TSHZ2: variants seen among roughly 807,000 people sequenced by gnomAD.
TSHZ2 encodes teashirt zinc finger homeobox 2.
TSHZ2 carries 21 observed loss-of-function variants against 74.4 expected under a neutral mutation model. The ratio of observed to expected loss-of-function variants is 0.28; its 90% CI spans 0.20 to 0.41. TSHZ2 has a LOEUF of 0.41. TSHZ2 is among the 10% of genes least tolerant of loss of function. TSHZ2 has a pLI of 1.00. For synonymous variants in TSHZ2, 540 were observed against 515.3 expected (o/e 1.05, Z -0.65); for missense variants, 1,244 against 1,293.5 (o/e 0.96, Z 0.59).
At chr20:53,195,529 G>A (rs763863405) in intron 1 of TSHZ2, among the ~76,000 whole-genome samples, 1 of 152,144 alleles carries the variant, frequency 6.6e-6, no homozygotes, top group Non-Finnish European at 1.5e-5. Context: ...GGACTTGGAT[G>A]TTTTCAAATA....
At chr20:53,125,211 T>C (rs979957352) in intron 1 of TSHZ2, among the ~76,000 whole-genome samples, 1 of 152,218 alleles carries the variant, frequency 6.6e-6, no homozygotes, top group African/African-American at 2.4e-5. Context: ...TTATTACTAA[T>C]GGTTTATATT....
intron 1 of TSHZ2, among the ~76,000 whole-genome samples, chr20:53,039,471 C>G (rs1035328855): frequency 2.0e-5 from 3 of 152,114 alleles, no homozygotes; most frequent in Admixed American, 2.0e-4. Context: ...TATTTATAGG[C>G]CTCTTTCTGT....
At chr20:53,486,888 A>T (rs1469700003) in intron 2 of TSHZ2, among the ~76,000 whole-genome samples, 1 of 152,036 alleles carries the variant, frequency 6.6e-6, no homozygotes, top group Non-Finnish European at 1.5e-5. Flanking sequence ...TGTTGTTCGC[A>T]TGTTTACATC....
chr20:53,176,340 G>A (rs941117516), intron 1 of TSHZ2, among the ~76,000 whole-genome samples: 1 of 152,202 alleles, frequency 6.6e-6, no homozygotes, highest in Non-Finnish European at 1.5e-5. Context: ...TAGCCAGCAG[G>A]TGTCAGAGGG....
At chr20:53,190,120 T>TATATATAA in intron 1 of TSHZ2, among the ~76,000 whole-genome samples, 1 of 92,082 alleles carries the variant, frequency 1.1e-5, no homozygotes, top group Non-Finnish European at 2.1e-5. Context: ...TATATATATA[T>TATATATAA]ATATATATAT....
Position 53,228,368 on chromosome 20 carries a change from G to A in TSHZ2, c.41-25131G>A, listed in dbSNP as rs1989738103. On this transcript the variant is annotated intron_variant, in intron 1 of 2. Transcript: ENST00000371497. ...AGGACTAGAGCTCACAGTTATTCCT[G>A]TGTTTTCTGCTCAGGTTGTGAATTA... Among the ~76,000 whole-genome samples, 5 of 152,194 alleles carry A rather than the reference G, an allele frequency of 3.3e-5. No homozygotes were observed. The South Asian group carries it at 1.0e-3, about 31-fold the overall frequency.
In TSHZ2 at chr20:53,443,207, C is replaced by G. The variant is rs537091655; in HGVS notation, c.*9-43937C>G. 2.6e-4 allele frequency among the ~76,000 whole-genome samples: 40 copies of G among 152,248 alleles called. 1 individual carries two copies. In the South Asian group the frequency reaches 7.3e-3, roughly 28 times the overall value. On this transcript the variant is annotated intron_variant, in intron 2 of 2. Coordinates refer to ENST00000371497, the MANE Select transcript of TSHZ2 (RefSeq NM_173485.6). ...TGGTCACCCTCTTGTCTTCCCCCAA[C>G]TGGTGTGATCAATTGCTTGAAATGC...
chr20:53,182,234 C>CTCCTTCCTTCCTTCCT, intron 1 of TSHZ2, among the ~76,000 whole-genome samples: 1 of 146,542 alleles, frequency 6.8e-6, no homozygotes, highest in South Asian at 2.2e-4. Flanking sequence ...TCTTGACTCC[C>CTCCTTCCTTCCTTCCT]TCCTTCCTTC....
At chr20:53,051,158 G>T (rs569131539) in intron 1 of TSHZ2, among the ~76,000 whole-genome samples, 1 of 152,198 alleles carries the variant, frequency 6.6e-6, no homozygotes, top group South Asian at 2.1e-4. Context: ...GGCCAACATG[G>T]TGAAACTCCG....
chr20:53,381,100 G>A (rs1981842006), intron 2 of TSHZ2, among the ~76,000 whole-genome samples: 1 of 152,088 alleles, frequency 6.6e-6, no homozygotes, highest in African/African-American at 2.4e-5. Flanking sequence ...TGTAAAACAG[G>A]GATGATGATT....
chr20:53,022,312 G>A (rs1272156877), intron 1 of TSHZ2, among the ~76,000 whole-genome samples: 2 of 152,178 alleles, frequency 1.3e-5, no homozygotes, highest in Non-Finnish European at 2.9e-5. Context: ...GGTGTTAACC[G>A]TGGGATTTAT....
intron 2 of TSHZ2, among the ~76,000 whole-genome samples, chr20:53,472,639 AG>A (rs1259464022): frequency 1.4e-5 from 2 of 147,840 alleles, no homozygotes; most frequent in Non-Finnish European, 2.9e-5. Context: ...AGAGCTCCTC[AG>A]GGGGGAGGGA....
chr20:52,977,660 C>T (rs1428938304), intron 1 of TSHZ2, among the ~76,000 whole-genome samples: 3 of 152,142 alleles, frequency 2.0e-5, no homozygotes, highest in Admixed American at 6.5e-5. Flanking sequence ...CTTCTTCCAC[C>T]TCTCACCTCA....
chr20:53,132,353 C>T (rs1403626543), intron 1 of TSHZ2, among the ~76,000 whole-genome samples: 8 of 150,162 alleles, frequency 5.3e-5, no homozygotes, highest in African/African-American at 2.0e-4. Context: ...ACTCTGTCGC[C>T]CAGGCTGGAG....
chr20:53,133,212 A>G (rs903209317), intron 1 of TSHZ2, among the ~76,000 whole-genome samples: 2 of 152,166 alleles, frequency 1.3e-5, no homozygotes, highest in Non-Finnish European at 2.9e-5. Flanking sequence ...GACCACTGCC[A>G]TGGTTGGCTT....
At chr20:53,340,327 G>T (rs1323648062) in intron 2 of TSHZ2, among the ~76,000 whole-genome samples, 1 of 151,622 alleles carries the variant, frequency 6.6e-6, no homozygotes, top group Non-Finnish European at 1.5e-5. Context: ...GACTACAGGC[G>T]CCCGCCACCA....
chr20:53,372,212 C>T (rs771788489), intron 2 of TSHZ2, among the ~76,000 whole-genome samples: 4 of 152,166 alleles, frequency 2.6e-5, no homozygotes, highest in Non-Finnish European at 5.9e-5. Flanking sequence ...TGCAGTGGCT[C>T]ATGCCGTAAT....
chr20:53,469,778 GAGGGAGGGAGGA>G (rs1985729352), intron 2 of TSHZ2, among the ~76,000 whole-genome samples: 3 of 99,076 alleles, frequency 3.0e-5, no homozygotes, highest in African/African-American at 7.7e-5. Flanking sequence ...GGAAGGGAGG[GAGGGAGGGAGGA>G]AGGAAGGAAG....
At chr20:53,431,366 G>C (rs953768756) in intron 2 of TSHZ2, among the ~76,000 whole-genome samples, 2 of 151,862 alleles carry the variant, frequency 1.3e-5, no homozygotes, top group Non-Finnish European at 2.9e-5. Context: ...AGAGGCAGGA[G>C]GATCACTTGA....
Sources: gnomAD v4.1 joint callset for allele counts (sites outside exome capture counted in the v4.1 genomes callset) on GRCh38, gnomAD v4.1.1 for gene constraint, MANE v1.5 for transcripts, NCBI Gene and HGNC (gene_info 2026-07-23, HGNC 2026-07-21) for gene names.